ZNF469: variants seen among roughly 807,000 people sequenced by gnomAD.
ZNF469 encodes zinc finger protein 469.
ZNF469 carries 1 observed loss-of-function variant against 1.0 expected under a neutral mutation model. That is an observed-to-expected ratio of 1.00 (90% CI 0.35 to 4.73). The LOEUF is 4.73. ZNF469 is among the 30% of genes most tolerant of loss of function. The pLI, the probability that ZNF469 is intolerant of heterozygous loss-of-function variation, is 0.16. For synonymous variants in ZNF469, 2,703 were observed against 2,363.4 expected (o/e 1.14, Z -4.17); for missense variants, 6,100 against 5,356.3 (o/e 1.14, Z -4.33).
At chr16:88,368,036 G>C in the ZNF469 span, among the ~76,000 whole-genome samples, 1 of 152,354 alleles carries the variant, frequency 6.6e-6, no homozygotes, top group African/African-American at 2.4e-5. Context: ...CAGGATGAGA[G>C]AGGAAATCCA....
the ZNF469 span, among the ~76,000 whole-genome samples, chr16:88,230,963 T>G: frequency 6.6e-6 from 1 of 152,118 alleles, no homozygotes; most frequent in Non-Finnish European, 1.5e-5. Context: ...GTGTAGGCTC[T>G]GGCGAAGGGA....
chr16:88,418,488 C>A (rs1324391164), intron 1 of ZNF469, among the ~76,000 whole-genome samples: 1 of 152,138 alleles, frequency 6.6e-6, no homozygotes, highest in African/African-American at 2.4e-5. Context: ...TGCCATGTGC[C>A]AGCTCTCAGC....
At chr16:88,222,948 C>G in the ZNF469 span, among the ~76,000 whole-genome samples, 1 of 152,188 alleles carries the variant, frequency 6.6e-6, no homozygotes, top group Admixed American at 6.5e-5. Flanking sequence ...GCACCCAGCA[C>G]CTGGGTTCCA....
At chr16:88,106,109 G>C in the ZNF469 span, among the ~76,000 whole-genome samples, 1 of 152,196 alleles carries the variant, frequency 6.6e-6, no homozygotes, top group African/African-American at 2.4e-5. Flanking sequence ...GCAACATCTG[G>C]CCCAGCACAG....
the ZNF469 span, among the ~76,000 whole-genome samples, chr16:88,206,846 G>A: frequency 2.8e-5 from 1 of 36,078 alleles, no homozygotes; most frequent in Admixed American, 2.6e-4. Context: ...CGGGGACGGA[G>A]GGGAGGGGAG....
In ZNF469 at chr16:88,428,364, C is replaced by T. The variant is rs1173611666; in HGVS notation, c.894C>T (p.Thr298=). Residue 298 remains threonine, a synonymous_variant, in exon 3 of 3, where the codon ACC becomes ACT. Coordinates refer to ENST00000565624, the MANE Select transcript of ZNF469 (RefSeq NM_001367624.2). Reference sequence around the variant, plus strand: ...CGGATGTGGCTGGGCACGCATTCACCAATGGGCCACTGGTGTTTGCCTTCC... The same window carrying T: ...CGGATGTGGCTGGGCACGCATTCACTAATGGGCCACTGGTGTTTGCCTTCC... ...FPADVAGHAF[T]NGPLVFAFHQ... is the part of the protein sequence containing the mutation. 2 of 1,548,994 alleles carry T rather than the reference C, an allele frequency of 1.3e-6. No individual in the cohort carries two copies. The highest frequency in any genetic ancestry group is 1.2e-5 in the South Asian group (1 of 84,066).
the ZNF469 span, among the ~76,000 whole-genome samples, chr16:88,184,902 C>T: frequency 6.6e-6 from 1 of 152,346 alleles, no homozygotes; most frequent in Non-Finnish European, 1.5e-5. Context: ...AATCCACATG[C>T]ACACACTCAC....
the ZNF469 span, among the ~76,000 whole-genome samples, chr16:88,197,965 AT>A: frequency 6.6e-6 from 1 of 152,198 alleles, no homozygotes; most frequent in Non-Finnish European, 1.5e-5. Context: ...CCCTCTACTC[AT>A]TAGAAGCATG....
At chr16:88,292,859 C>A in the ZNF469 span, among the ~76,000 whole-genome samples, 1 of 146,594 alleles carries the variant, frequency 6.8e-6, no homozygotes, top group Non-Finnish European at 1.5e-5. Flanking sequence ...TCACCAGGAA[C>A]TTTAAATCCC....
chr16:88,147,418 G>A, the ZNF469 span, among the ~76,000 whole-genome samples: 1 of 152,198 alleles, frequency 6.6e-6, no homozygotes, highest in East Asian at 1.9e-4. Context: ...AGCAGTGGGA[G>A]ACACAGGAAG....
chr16:88,277,424 G>A, the ZNF469 span, among the ~76,000 whole-genome samples: 466 of 119,508 alleles, frequency 3.9e-3, no homozygotes, highest in Middle Eastern at 0.022. Flanking sequence ...ATCAGTGCAC[G>A]GTTAGTGCTG....
chr16:88,185,318 C>G, the ZNF469 span, among the ~76,000 whole-genome samples: 4 of 152,264 alleles, frequency 2.6e-5, no homozygotes, highest in East Asian at 5.8e-4. Context: ...CACAGTCACA[C>G]ATTCACATAC....
At chr16:88,297,562 C>T in the ZNF469 span, among the ~76,000 whole-genome samples, 1 of 152,310 alleles carries the variant, frequency 6.6e-6, no homozygotes, top group African/African-American at 2.4e-5. Flanking sequence ...TTGCCATGAG[C>T]CCTGCATGCC....
At chr16:88,291,620 C>T in the ZNF469 span, among the ~76,000 whole-genome samples, 1 of 152,094 alleles carries the variant, frequency 6.6e-6, no homozygotes, top group Admixed American at 6.5e-5. Flanking sequence ...GAGACTCTCC[C>T]ACTTGTGTAT....
At chr16:88,232,636 C>G in the ZNF469 span, among the ~76,000 whole-genome samples, 1 of 152,256 alleles carries the variant, frequency 6.6e-6, no homozygotes, top group Non-Finnish European at 1.5e-5. Context: ...CGGGAGCTCT[C>G]TGCCTGAGAG....
At chr16:88,382,902 G>A (rs2092528794), upstream of ZNF469, among the ~76,000 whole-genome samples, 1 of 151,750 alleles carries the variant, frequency 6.6e-6, no homozygotes, top group South Asian at 2.1e-4. Flanking sequence ...AATAGCTGGG[G>A]GGAGGGTGCG....
chr16:88,274,558 CG>C, the ZNF469 span, among the ~76,000 whole-genome samples: 58 of 152,338 alleles, frequency 3.8e-4, no homozygotes, highest in Non-Finnish European at 7.6e-4. Flanking sequence ...GGCTGGTGTC[CG>C]GGCGGGGCCC....
At chr16:88,382,489 T>C (rs2092527774), upstream of ZNF469, among the ~76,000 whole-genome samples, 1 of 152,132 alleles carries the variant, frequency 6.6e-6, no homozygotes, top group South Asian at 2.1e-4. Flanking sequence ...AGCTCCCACC[T>C]ATGAGAAAGC....
At chr16:88,284,878 C>T in the ZNF469 span, among the ~76,000 whole-genome samples, 858 of 152,372 alleles carry the variant, frequency 5.6e-3, 7 homozygotes, top group African/African-American at 0.02. Flanking sequence ...CATCTGTCCT[C>T]TACCAGCTGG....
Sources: allele counts gnomAD v4.1 joint callset (sites outside exome capture counted in the v4.1 genomes callset), GRCh38; gene constraint gnomAD v4.1.1; transcripts MANE v1.5; gene names NCBI Gene and HGNC (gene_info 2026-07-23, HGNC 2026-07-21).